Variants in HTATIP2 observed in about 807,000 individuals in gnomAD.
HTATIP2 encodes the protein HIV-1 Tat interactive protein 2.
A neutral mutation model predicts 24.7 loss-of-function variants in HTATIP2; 26 were observed. The observed-to-expected ratio is 1.05, with a 90% CI of 0.77 to 1.46. The LOEUF is 1.46. Among genes scored for constraint, HTATIP2 ranks in the 40% most tolerant of loss-of-function variants. The probability of loss-of-function intolerance (pLI) is 0.00; values close to 1 mark genes in which losing one functional copy is unlikely to be tolerated. For synonymous variants in HTATIP2, 99 were observed against 113.2 expected (o/e 0.87, Z 0.79); for missense variants, 284 against 289.6 (o/e 0.98, Z 0.14).
At chr11:20,370,196 G>C (rs2064756732) in intron 2 of HTATIP2, among the ~76,000 whole-genome samples, 1 of 152,116 alleles carries the variant, frequency 6.6e-6, no homozygotes, top group South Asian at 2.1e-4. Flanking sequence ...TGGTTTTCTG[G>C]GTACTGTGGT....
At chr11:20,368,591 G>A (rs2064738416) in intron 2 of HTATIP2, among the ~76,000 whole-genome samples, 2 of 152,208 alleles carry the variant, frequency 1.3e-5, no homozygotes, top group South Asian at 4.1e-4. Flanking sequence ...CAAGTGGTGT[G>A]CCCTCCAAAA....
Position 20,382,998 on chromosome 11 carries a change from G to A in HTATIP2, c.522G>A (p.Arg174=), listed in dbSNP as rs1165644858. 7 of 1,611,980 alleles carry A rather than the reference G, an allele frequency of 4.3e-6. No individual in the cohort carries two copies. Among genetic ancestry groups the A allele is most frequent in the Non-Finnish European group, 5.9e-6 (7 of 1,179,400 alleles). ...VFRPGVLLCD[R]QESRPGEWLV... ...ATTTTAGAGTTCTGTTATGTGATAGGCAAGAATCTCGCCCAGGTGAATGGC... is the reference window on the plus strand; with the variant it reads ...ATTTTAGAGTTCTGTTATGTGATAGACAAGAATCTCGCCCAGGTGAATGGC... Residue 174 remains arginine, a synonymous_variant, in exon 5 of 5, where the codon AGG becomes AGA. Transcript: ENST00000451739.
In HTATIP2 at chr11:20,363,847, G is replaced by C; in HGVS notation, c.-391G>C. Reference sequence around the variant, plus strand: ...CTGCGGCGCTGAGCGCGGCGGCGGCGGCTGCTCTGGCGGCCGCCCTGCTCC... The same window carrying C: ...CTGCGGCGCTGAGCGCGGCGGCGGCCGCTGCTCTGGCGGCCGCCCTGCTCC... On this transcript the variant is annotated 5_prime_UTR_variant, in exon 1 of 5. Coordinates refer to ENST00000451739, the MANE Select transcript of HTATIP2 (RefSeq NM_001098522.2). 8.0e-7 allele frequency: 1 copy of C among 1,244,620 alleles called. No homozygotes were observed. The highest frequency in any genetic ancestry group is 1.0e-6 in the Non-Finnish European group (1 of 990,982). 77.1% of individuals were successfully genotyped at this position (1,244,620 alleles called of 1,614,324 possible). A position where few individuals can be genotyped will look rare whatever the true frequency, so the allele number is the denominator to read the frequency against.
intron 1 of HTATIP2, among the ~76,000 whole-genome samples, chr11:20,365,970 CAAAAAAA>C (rs1161230646): frequency 4.1e-5 from 4 of 96,780 alleles, no homozygotes; most frequent in Non-Finnish European, 6.5e-5. Context: ...GACTCTGTCT[CAAAAAAA>C]AAAAAAAAAA....
chr11:20,368,864 G>A (rs560910055), intron 2 of HTATIP2, among the ~76,000 whole-genome samples: 9 of 152,244 alleles, frequency 5.9e-5, no homozygotes, highest in South Asian at 4.1e-4. Context: ...GGTTCTTCAC[G>A]TCTCAGGCTA....
chr11:20,378,716 C>A (rs16906178), intron 3 of HTATIP2, among the ~76,000 whole-genome samples: 4 of 152,002 alleles, frequency 2.6e-5, no homozygotes, highest in African/African-American at 4.8e-5. Flanking sequence ...TGTGCATTTG[C>A]GTGGAAACAG....
intron 2 of HTATIP2, 113 bp downstream of exon 2, chr11:20,367,394 T>A: frequency 6.3e-7 from 1 of 1,577,896 alleles, no homozygotes. Flanking sequence ...TGAATAAGCC[T>A]TTATTGTTTA....
At chr11:20,374,742 C>G (rs1309827475) in intron 2 of HTATIP2, among the ~76,000 whole-genome samples, 1 of 152,206 alleles carries the variant, frequency 6.6e-6, no homozygotes, top group Non-Finnish European at 1.5e-5. Context: ...CCTTCCACAT[C>G]TATTTCTTCC....
Position 20,376,706 on chromosome 11 carries a change from C to A in HTATIP2, c.430C>A (p.Leu144Ile). ...GADKSSNFLY[L>I]QVKGEVEAKV... is the part of the protein sequence containing the mutation. ...TGATAAATCAAGCAATTTTTTATAT[C>A]TACAAGTTAAGGTTTGTGCAAGTTT... The change falls in exon 3 of 5, where the codon CTA becomes ATA. Residue 144 changes from leucine (L) to isoleucine (I), a missense_variant. Transcript: ENST00000451739. The A allele has an allele frequency of 6.2e-7, 1 of 1,609,952 alleles. No individual in the cohort carries two copies. The highest frequency in any genetic ancestry group is 8.5e-7 in the Non-Finnish European group (1 of 1,178,794).
At position 20,375,381 on chromosome 11, in the gene HTATIP2, C is replaced by A. The variant is rs2001924; in HGVS notation, c.304-1199C>A. Among the ~76,000 whole-genome samples, 9 of 152,296 alleles carry A rather than the reference C, an allele frequency of 5.9e-5. No individual in the cohort carries two copies. The East Asian group carries it at 7.7e-4, about 13-fold the overall frequency. On this transcript the variant is annotated intron_variant, in intron 2 of 4. Coordinates refer to ENST00000451739, the MANE Select transcript of HTATIP2 (RefSeq NM_001098522.2). ...GAGGTCAGGAGTTCAAGACCAGCCT[C>A]GCTAACGTGGTGAAACCCTGTCTCT... is the stretch of plus-strand genomic sequence containing the variant.
In HTATIP2 at chr11:20,363,720, GCCGCGAGGCCA is replaced by G; in HGVS notation, c.-515_-505del. ...CCTGTGGGCGGGGCGAGGCAGCGTC[GCCGCGAGGCCA>G]CCCGGAAGACCAAGCCGGGTAGGCG... On this transcript the variant is annotated 5_prime_UTR_variant, in exon 1 of 5. Coordinates refer to ENST00000451739, the MANE Select transcript of HTATIP2 (RefSeq NM_001098522.2). 1 of 1,229,990 alleles carries G rather than the reference GCCGCGAGGCCA, an allele frequency of 8.1e-7. No individual in the cohort carries two copies. Among genetic ancestry groups the G allele is most frequent in the African/African-American group, 1.6e-5 (1 of 64,310 alleles). 76.2% of individuals were successfully genotyped at this position (1,229,990 alleles called of 1,614,324 possible). A position where few individuals can be genotyped will look rare whatever the true frequency, so the allele number is the denominator to read the frequency against.
rs11025534 is a variant in HTATIP2 at position 20,365,508 on chromosome 11, A to G, written c.195+1076A>G. Among the ~76,000 whole-genome samples the G allele has an allele frequency of 1.3e-3, 194 of 152,328 alleles. 1 individual carries two copies. The East Asian group carries it at 0.029, about 23-fold the overall frequency. On this transcript the variant is annotated intron_variant, in intron 1 of 4. Coordinates refer to ENST00000451739, the MANE Select transcript of HTATIP2 (RefSeq NM_001098522.2). ...GAAAGAACATTTCAAATAACAAGCC[A>G]TCTTGCAAATAAATGTTCTTGATTC...
intron 1 of HTATIP2, 53 bp downstream of exon 1, chr11:20,364,485 C>A: frequency 6.8e-7 from 1 of 1,463,286 alleles, no homozygotes. Context: ...GCGAGGTGAA[C>A]ATATTTCATG....
In HTATIP2 at chr11:20,383,389, A is replaced by C; in HGVS notation, c.*184A>C. 1.8e-6 allele frequency: 1 copy of C among 564,222 alleles called. No homozygotes were observed. The highest frequency in any genetic ancestry group is 3.1e-6 in the Non-Finnish European group (1 of 320,664). The allele number at this position is 564,222 out of a possible 1,614,324, so 35.0% of individuals were successfully genotyped here. A position where few individuals can be genotyped will look rare whatever the true frequency, so the allele number is the denominator to read the frequency against. ...CAGAGCCTGGTTATACATATAGATC[A>C]CTCAGGGAGCTTTGGAAAAATAAAG... On this transcript the variant is annotated 3_prime_UTR_variant, in exon 5 of 5. Transcript: ENST00000451739.
intron 2 of HTATIP2, among the ~76,000 whole-genome samples, chr11:20,374,220 G>C (rs1361018409): frequency 1.3e-5 from 2 of 152,120 alleles, no homozygotes; most frequent in African/African-American, 4.8e-5. Flanking sequence ...AAAATTTATT[G>C]AGCTCTATAC....
In HTATIP2 at chr11:20,382,148, A is replaced by G. The variant is rs1848529757; in HGVS notation, c.442-30A>G. 2.2e-6 allele frequency: 3 copies of G among 1,388,690 alleles called. No homozygotes were observed. In the African/African-American group the frequency reaches 4.3e-5, roughly 20 times the overall value. The allele number at this position is 1,388,690 out of a possible 1,614,324, so 86.0% of individuals were successfully genotyped here. A position where few individuals can be genotyped will look rare whatever the true frequency, so the allele number is the denominator to read the frequency against. On this transcript the variant is annotated intron_variant, in intron 3 of 4. Transcript: ENST00000451739. ...TCACACAGGTGAGCTGGTCGCGATT[A>G]AATACTGAAAATGTGTTTTTTCTTA...
At position 20,364,778 on chromosome 11, in the gene HTATIP2, C is replaced by T. The variant is rs117416986; in HGVS notation, c.195+346C>T. On this transcript the variant is annotated intron_variant, in intron 1 of 4. Transcript: ENST00000451739. The stretch of plus-strand genomic sequence containing the variant: ...GTATTCTAGAGGCAGCCCTGGTGAC[C>T]TTGAGAATTTTCTCAGCCACTTTGC... Among the ~76,000 whole-genome samples, 909 of 152,246 alleles carry T rather than the reference C, an allele frequency of 6.0e-3. 9 individuals carry two copies. The highest frequency in any genetic ancestry group is 0.018 in the East Asian group (95 of 5,172).
chr11:20,365,710 GCCTGT>G lies in HTATIP2; in HGVS notation c.195+1279_195+1283del, dbSNP rs2064693215. ...CTGAAGGCTGGGCGTGGTGGCTCAT[GCCTGT>G]AATCCCAGAGCTTTGGGAGTCCGAG... On this transcript the variant is annotated intron_variant, in intron 1 of 4. Transcript: ENST00000451739. 2.6e-5 allele frequency among the ~76,000 whole-genome samples: 4 copies of G among 152,222 alleles called. 1 individual carries two copies. In the South Asian group the frequency reaches 8.3e-4, roughly 32 times the overall value.
intron 3 of HTATIP2, among the ~76,000 whole-genome samples, chr11:20,379,350 T>C (rs761356589): frequency 4.6e-5 from 7 of 152,136 alleles, no homozygotes; most frequent in Non-Finnish European, 8.8e-5. Flanking sequence ...AACCAAATGA[T>C]CCAACCCAGA....
Sources: gnomAD v4.1 joint callset for allele counts (sites outside exome capture counted in the v4.1 genomes callset) on GRCh38, gnomAD v4.1.1 for gene constraint, MANE v1.5 for transcripts, NCBI Gene and HGNC (gene_info 2026-07-23, HGNC 2026-07-21) for gene names.